PDLIM5: variants seen among roughly 807,000 people sequenced by gnomAD.
The protein encoded by PDLIM5 is PDZ and LIM domain 5, also known as PDZ and LIM domain protein 5.
A neutral mutation model predicts 64.2 loss-of-function variants in PDLIM5; 34 were observed. The observed-to-expected ratio is 0.53, with a 90% CI of 0.40 to 0.71. The LOEUF (loss-of-function observed/expected upper bound fraction) is 0.71. Ranked by LOEUF, PDLIM5 falls within the 30% of genes least tolerant of loss-of-function variation. The pLI is 0.00. For missense variants in PDLIM5, 683 were observed against 733.6 expected, an observed-to-expected ratio of 0.93 and a Z score of 0.80; for synonymous variants, 253 against 269.1, an observed-to-expected ratio of 0.94 and a Z score of 0.59.
chr4:94,658,412 T>C (rs1388497139), intron 11 of PDLIM5, among the ~76,000 whole-genome samples: 1 of 152,244 alleles, frequency 6.6e-6, no homozygotes, highest in African/African-American at 2.4e-5. Flanking sequence ...CCAAAGTCTG[T>C]AAGTGAACTT....
chr4:94,636,826 C>T (rs1046929757), intron 8 of PDLIM5, among the ~76,000 whole-genome samples: 6 of 152,076 alleles, frequency 3.9e-5, no homozygotes, highest in South Asian at 2.1e-4. Context: ...TGAGCCACCG[C>T]GCCGGGCCAC....
At chr4:94,463,724 G>C (rs927277398) in intron 2 of PDLIM5, among the ~76,000 whole-genome samples, 5 of 152,116 alleles carry the variant, frequency 3.3e-5, no homozygotes, top group African/African-American at 1.2e-4. Context: ...GTTGTTCAAG[G>C]GTCAACTGTA....
rs1282871037 is a variant in PDLIM5 at position 94,665,630 on chromosome 4, A to G, written c.*1563A>G. On this transcript the variant is annotated 3_prime_UTR_variant, in exon 13 of 13. Coordinates refer to ENST00000317968, the MANE Select transcript of PDLIM5 (RefSeq NM_006457.5). ...AATTAGTTAAATCAGTTTCTGAGTT[A>G]TGCCACTGGCTGATGAAGAGTTGAG... 4.0e-6 allele frequency: 4 copies of G among 1,011,700 alleles called. No individual in the cohort carries two copies. The highest frequency in any genetic ancestry group is 3.5e-6 in the Non-Finnish European group (3 of 847,406). 62.7% of individuals were successfully genotyped at this position (1,011,700 alleles called of 1,614,324 possible). A position where few individuals can be genotyped will look rare whatever the true frequency, so the allele number is the denominator to read the frequency against.
chr4:94,640,500 GTT>G (rs10716970), intron 9 of PDLIM5, 50 bp downstream of exon 9: 46,571 of 737,032 alleles, frequency 0.063, 106 homozygotes, highest in African/African-American at 0.098. Context: ...TCAATGTTGG[GTT>G]TTTTTTTTTT....
intron 8 of PDLIM5, among the ~76,000 whole-genome samples, chr4:94,628,258 A>G (rs1739858561): frequency 6.6e-6 from 1 of 152,168 alleles, no homozygotes; most frequent in Non-Finnish European, 1.5e-5. Flanking sequence ...TTTAGTTTTT[A>G]TGCTAGATGT....
intron 2 of PDLIM5, among the ~76,000 whole-genome samples, chr4:94,512,588 A>G (rs990403440): frequency 4.0e-5 from 6 of 150,172 alleles, no homozygotes; most frequent in Non-Finnish European, 5.9e-5. Flanking sequence ...GTCTATTCAA[A>G]TCTTTTGCCA....
chr4:94,570,603 G>A (rs1221883827), intron 3 of PDLIM5, among the ~76,000 whole-genome samples: 1 of 152,174 alleles, frequency 6.6e-6, no homozygotes, highest in African/African-American at 2.4e-5. Flanking sequence ...TGAGTATTTG[G>A]AACAGTAGAC....
At chr4:94,467,467 C>G (rs111991109) in intron 2 of PDLIM5, among the ~76,000 whole-genome samples, 1,790 of 152,212 alleles carry the variant, frequency 0.012, 41 homozygotes, top group African/African-American at 0.041. Flanking sequence ...GCACCCACCA[C>G]CATGCCTGGC....
intron 3 of PDLIM5, among the ~76,000 whole-genome samples, chr4:94,560,346 ACTT>A (rs1475237155): frequency 6.6e-6 from 1 of 152,120 alleles, no homozygotes; most frequent in Admixed American, 6.6e-5. Flanking sequence ...CACTCTAGGA[ACTT>A]AGCGGTGATT....
intron 7 of PDLIM5, chr4:94,608,049 G>C (rs1738069552): frequency 1.3e-6 from 2 of 1,521,076 alleles, no homozygotes. Flanking sequence ...TTTTACTTCT[G>C]AAAACTTAGG....
intron 2 of PDLIM5, chr4:94,457,243 A>T (rs915489437): frequency 8.3e-6 from 6 of 720,880 alleles, no homozygotes; most frequent in Non-Finnish European, 1.0e-5. Flanking sequence ...GTTATCTTTA[A>T]TTTATCATCA....
intron 3 of PDLIM5, among the ~76,000 whole-genome samples, chr4:94,551,506 C>T (rs1453056276): frequency 6.6e-6 from 1 of 152,066 alleles, no homozygotes; most frequent in Admixed American, 6.6e-5. Flanking sequence ...TGGGTTTCAT[C>T]GTCAAAGATT....
chr4:94,667,798 A>G lies in PDLIM5; in HGVS notation c.*3731A>G, dbSNP rs139417946. On this transcript the variant is annotated 3_prime_UTR_variant, in exon 13 of 13. Transcript: ENST00000317968. ...AAATAATCTACAACAAAAATGTACC[A>G]TTTTCAAGCAGTACTACATTAGGAG... The G allele has an allele frequency of 6.6e-6, 1 of 152,274 alleles. No individual in the cohort carries two copies. The highest frequency in any genetic ancestry group is 1.5e-5 in the Non-Finnish European group (1 of 68,010). 9.4% of individuals were successfully genotyped at this position (152,274 alleles called of 1,614,324 possible). A position where few individuals can be genotyped will look rare whatever the true frequency, so the allele number is the denominator to read the frequency against.
Position 94,666,997 on chromosome 4 carries a change from C to T in PDLIM5, c.*2930C>T, listed in dbSNP as rs923609616. On this transcript the variant is annotated 3_prime_UTR_variant, in exon 13 of 13. Transcript: ENST00000317968. ...ATAACTGGCAGAGCACTTTATTCTT[C>T]TGGTGAGCTCCCTGAATATTTATTT... is the stretch of plus-strand genomic sequence containing the variant. The T allele has an allele frequency of 6.6e-6, 1 of 152,182 alleles. No homozygotes were observed. Among genetic ancestry groups the T allele is most frequent in the African/African-American group, 2.4e-5 (1 of 41,458 alleles). 9.4% of individuals were successfully genotyped at this position (152,182 alleles called of 1,614,324 possible).
rs754878385 is a variant in PDLIM5, at chr4:94,580,603, A to AT, written c.710+4578dup. Reference sequence around the variant, plus strand: ...AAAATAAACATTTAGGTTAGATAGAATTTTTTTTTAATTCAAGATTAAGAT... The same window carrying AT: ...AAAATAAACATTTAGGTTAGATAGAATTTTTTTTTTAATTCAAGATTAAGAT... On this transcript the variant is annotated intron_variant, in intron 5 of 12. Coordinates refer to ENST00000317968, the MANE Select transcript of PDLIM5 (RefSeq NM_006457.5). 6.6e-5 allele frequency among the ~76,000 whole-genome samples: 10 copies of AT among 151,748 alleles called. 1 individual carries two copies. Among genetic ancestry groups the AT allele is most frequent in the South Asian group, 4.2e-4 (2 of 4,796 alleles).
At chr4:94,562,108 T>G (rs763986151) in intron 3 of PDLIM5, among the ~76,000 whole-genome samples, 5 of 152,202 alleles carry the variant, frequency 3.3e-5, no homozygotes, top group Non-Finnish European at 7.3e-5. Context: ...ATGAATGGGC[T>G]TTTTCACTGC....
intron 3 of PDLIM5, among the ~76,000 whole-genome samples, chr4:94,544,495 T>C (rs1203938225): frequency 6.6e-6 from 1 of 152,190 alleles, no homozygotes; most frequent in African/African-American, 2.4e-5. Context: ...ATATTCTTAT[T>C]TTCCCAATTT....
At chr4:94,529,616 G>T (rs1730677807) in intron 3 of PDLIM5, among the ~76,000 whole-genome samples, 2 of 151,828 alleles carry the variant, frequency 1.3e-5, no homozygotes, top group Admixed American at 6.6e-5. Flanking sequence ...TTTAATTTGG[G>T]GGCATATAAT....
chr4:94,650,815 C>T (rs868458143), intron 9 of PDLIM5, among the ~76,000 whole-genome samples: 1 of 151,660 alleles, frequency 6.6e-6, no homozygotes, highest in Non-Finnish European at 1.5e-5. Context: ...TTCTTCCCCC[C>T]ACATGCCCCG....
Sources: allele counts gnomAD v4.1 joint callset (sites outside exome capture counted in the v4.1 genomes callset), GRCh38; gene constraint gnomAD v4.1.1; transcripts MANE v1.5; gene names NCBI Gene and HGNC (gene_info 2026-07-23, HGNC 2026-07-21).